Variants in SLC9A9 observed in about 807,000 individuals in gnomAD.
SLC9A9 encodes the protein sodium/hydrogen exchanger 9.
In SLC9A9, 62 loss-of-function variants were observed where a neutral mutation model predicts 77.8. That is an observed-to-expected ratio of 0.80 (90% CI 0.65 to 0.98). The LOEUF (loss-of-function observed/expected upper bound fraction) is 0.98, where lower values mean the gene tolerates loss of function less well. Among genes scored for constraint, SLC9A9 ranks in the 50% least tolerant of loss-of-function variants. The probability of loss-of-function intolerance (pLI) is 0.00; values close to 1 mark genes in which losing one functional copy is unlikely to be tolerated. For synonymous variants in SLC9A9, 320 were observed against 283.5 expected, an observed-to-expected ratio of 1.13 and a Z score of -1.29; for missense variants, 775 against 774.9, an observed-to-expected ratio of 1.00 and a Z score of 0.00.
In SLC9A9 at chr3:143,742,020, A is replaced by C. The variant is rs368067483; in HGVS notation, c.534-48713T>G. Among the ~76,000 whole-genome samples, 10 of 152,154 alleles carry C rather than the reference A, an allele frequency of 6.6e-5. No homozygotes were observed. In the South Asian group the frequency reaches 2.1e-3, roughly 32 times the overall value. On this transcript the variant is annotated intron_variant, in intron 4 of 15. Transcript: ENST00000316549. Reference sequence around the variant, plus strand: ...GACTAACATTAGCCACAAGATTAGAAATTATGGTTTAGGAGTCAAGCAGCT... The same window carrying C: ...GACTAACATTAGCCACAAGATTAGACATTATGGTTTAGGAGTCAAGCAGCT...
chr3:143,660,897 T>C (rs978896649), intron 5 of SLC9A9, among the ~76,000 whole-genome samples: 1 of 152,214 alleles, frequency 6.6e-6, no homozygotes, highest in Non-Finnish European at 1.5e-5. Context: ...GACGAGGCTG[T>C]AGATTTTCAA....
At chr3:143,479,480 T>C (rs1208104584) in intron 11 of SLC9A9, among the ~76,000 whole-genome samples, 1 of 152,140 alleles carries the variant, frequency 6.6e-6, no homozygotes, top group Non-Finnish European at 1.5e-5. Flanking sequence ...CTCAAACTCC[T>C]GGCCTCAAGC....
At chr3:143,695,358 C>T (rs567285821) in intron 4 of SLC9A9, among the ~76,000 whole-genome samples, 2 of 152,174 alleles carry the variant, frequency 1.3e-5, no homozygotes, top group African/African-American at 4.8e-5. Flanking sequence ...ACAACAGGCC[C>T]CAGTGTGTAA....
At chr3:143,613,808 C>T (rs2038060290) in intron 6 of SLC9A9, among the ~76,000 whole-genome samples, 1 of 151,446 alleles carries the variant, frequency 6.6e-6, no homozygotes, top group Non-Finnish European at 1.5e-5. Flanking sequence ...ATTTTTTATT[C>T]CATTATTCTT....
chr3:143,558,362 A>T (rs2037024143), intron 8 of SLC9A9, among the ~76,000 whole-genome samples: 1 of 152,074 alleles, frequency 6.6e-6, no homozygotes, highest in Non-Finnish European at 1.5e-5. Flanking sequence ...TGTCCTCTAG[A>T]CCCCAGAATT....
chr3:143,795,294 A>AAAC lies in SLC9A9; in HGVS notation c.457-218_457-217insGTT, dbSNP rs1553794674. On this transcript the variant is annotated intron_variant, in intron 3 of 15. Transcript: ENST00000316549. ...AGTCAAGAAGCAGAAAAAAAAAAAA[A>AAAC]AAAAAACCCACTGGAAGATGAGTAG... Among the ~76,000 whole-genome samples, 211 of 147,888 alleles carry AAAC rather than the reference A, an allele frequency of 1.4e-3. 2 individuals carry two copies. The highest frequency in any genetic ancestry group is 5.2e-3 in the South Asian group (24 of 4,620).
At chr3:143,275,461 G>A (rs73868706) in intron 14 of SLC9A9, among the ~76,000 whole-genome samples, 4,210 of 152,124 alleles carry the variant, frequency 0.028, 79 homozygotes, top group Middle Eastern at 0.061. Context: ...CTTGCTTTGC[G>A]TTTCTTCTTT....
intron 12 of SLC9A9, among the ~76,000 whole-genome samples, chr3:143,391,607 C>G (rs1386731136): frequency 1.3e-5 from 2 of 152,204 alleles, no homozygotes; most frequent in Non-Finnish European, 2.9e-5. Flanking sequence ...TGGAAAATGA[C>G]TTTGACGAGT....
At chr3:143,739,203 C>T (rs1180757654) in intron 4 of SLC9A9, among the ~76,000 whole-genome samples, 1 of 152,122 alleles carries the variant, frequency 6.6e-6, no homozygotes, top group Non-Finnish European at 1.5e-5. Flanking sequence ...ACTGTAAATG[C>T]AAGTATAGAT....
intron 2 of SLC9A9, among the ~76,000 whole-genome samples, chr3:143,822,547 C>T (rs999360369): frequency 2.0e-5 from 3 of 152,226 alleles, no homozygotes; most frequent in African/African-American, 7.2e-5. Context: ...GTCCCCTCCC[C>T]TCCTGTGCCC....
chr3:143,812,093 T>A (rs1179539987), intron 2 of SLC9A9, among the ~76,000 whole-genome samples: 1 of 152,130 alleles, frequency 6.6e-6, no homozygotes, highest in Non-Finnish European at 1.5e-5. Flanking sequence ...ATTTAAACTA[T>A]GTTTACTCAA....
intron 12 of SLC9A9, among the ~76,000 whole-genome samples, chr3:143,418,972 GAAATA>G: frequency 6.6e-6 from 1 of 152,030 alleles, no homozygotes; most frequent in Non-Finnish European, 1.5e-5. Context: ...ATAATGAAGG[GAAATA>G]TACTAGAGTT....
chr3:143,476,576 C>A (rs1221042811), intron 11 of SLC9A9, among the ~76,000 whole-genome samples: 2 of 152,184 alleles, frequency 1.3e-5, no homozygotes, highest in Admixed American at 6.5e-5. Flanking sequence ...TCAGAATAAT[C>A]CTCATTACTA....
intron 6 of SLC9A9, among the ~76,000 whole-genome samples, chr3:143,590,801 C>A (rs1360402450): frequency 6.6e-6 from 1 of 152,136 alleles, no homozygotes; most frequent in East Asian, 1.9e-4. Context: ...GGAAAAAAAA[C>A]CATGAAAACA....
chr3:143,289,602 AAC>A (rs1470851754), intron 14 of SLC9A9, among the ~76,000 whole-genome samples: 2 of 152,116 alleles, frequency 1.3e-5, no homozygotes, highest in African/African-American at 2.4e-5. Flanking sequence ...CCTTCTGCAC[AAC>A]AGTCAATCCA....
chr3:143,326,648 C>A (rs1379547934), intron 14 of SLC9A9, among the ~76,000 whole-genome samples: 1 of 152,314 alleles, frequency 6.6e-6, no homozygotes, highest in East Asian at 1.9e-4. Flanking sequence ...TCCCCAACTA[C>A]CTTCTCTAAT....
intron 14 of SLC9A9, among the ~76,000 whole-genome samples, chr3:143,310,475 C>T (rs764319011): frequency 2.0e-5 from 3 of 148,712 alleles, no homozygotes; most frequent in Non-Finnish European, 3.0e-5. Context: ...GTGCACAAAG[C>T]GAAATGCAGG....
intron 14 of SLC9A9, among the ~76,000 whole-genome samples, chr3:143,343,943 A>T (rs1405624780): frequency 3.3e-5 from 5 of 152,160 alleles, no homozygotes; most frequent in African/African-American, 1.2e-4. Context: ...AAATCCATGT[A>T]ACTCCCAGAA....
chr3:143,510,502 G>A (rs2036099142), intron 9 of SLC9A9, among the ~76,000 whole-genome samples: 1 of 152,090 alleles, frequency 6.6e-6, no homozygotes, highest in African/African-American at 2.4e-5. Flanking sequence ...TTGGATAAAA[G>A]CACCTAGGCT....
Sources: allele counts gnomAD v4.1 joint callset (sites outside exome capture counted in the v4.1 genomes callset), GRCh38; gene constraint gnomAD v4.1.1; transcripts MANE v1.5; gene names NCBI Gene and HGNC (gene_info 2026-07-23, HGNC 2026-07-21).